ZSWIM5: variants seen among roughly 807,000 people sequenced by gnomAD.
ZSWIM5 encodes zinc finger SWIM-type containing 5.
A neutral mutation model predicts 119.6 loss-of-function variants in ZSWIM5; 55 were observed. The observed-to-expected ratio is 0.46, with a 90% CI of 0.37 to 0.58. The LOEUF (loss-of-function observed/expected upper bound fraction) is 0.58, where lower values mean the gene tolerates loss of function less well. ZSWIM5 is among the 20% of genes least tolerant of loss of function. The pLI, the probability that ZSWIM5 is intolerant of heterozygous loss-of-function variation, is 0.00. For missense variants in ZSWIM5, 1,193 were observed against 1,512.8 expected, an observed-to-expected ratio of 0.79 and a Z score of 3.51; for synonymous variants, 537 against 606.9, an observed-to-expected ratio of 0.88 and a Z score of 1.69.
chr1:45,033,506 T>A (rs958534096), intron 11 of ZSWIM5, among the ~76,000 whole-genome samples: 1 of 152,170 alleles, frequency 6.6e-6, no homozygotes, highest in Non-Finnish European at 1.5e-5. Flanking sequence ...TACTTTCACT[T>A]CTGTTTGTGG....
At position 45,018,423 on chromosome 1, in the gene ZSWIM5, A is replaced by C; in HGVS notation, c.*31T>G. The C allele has an allele frequency of 6.3e-7, 1 of 1,599,004 alleles. No individual in the cohort carries two copies. The highest frequency in any genetic ancestry group is 1.3e-5 in the African/African-American group (1 of 74,850). On this transcript the variant is annotated 3_prime_UTR_variant, in exon 14 of 14. Transcript: ENST00000359600. This position sits in a 1 kb window ranked among gnomAD's most constrained non-coding sequence, Gnocchi z 6.7. ...CTGACCTGATACTACCTGGGAACCCAGGCTGCTCTGGCAGTGAGCTATCTG... is the reference window on the plus strand; with the variant it reads ...CTGACCTGATACTACCTGGGAACCCCGGCTGCTCTGGCAGTGAGCTATCTG...
chr1:45,116,852 A>C (rs577607131), intron 1 of ZSWIM5, among the ~76,000 whole-genome samples: 21 of 152,346 alleles, frequency 1.4e-4, no homozygotes, highest in African/African-American at 5.1e-4. Flanking sequence ...ACTATGTTAC[A>C]TTTGCTCCTC....
chr1:45,049,632 G>A (rs1355173170), intron 5 of ZSWIM5, among the ~76,000 whole-genome samples: 2 of 152,074 alleles, frequency 1.3e-5, no homozygotes, highest in African/African-American at 2.4e-5. Flanking sequence ...TGGCCAATAT[G>A]GTGAAACCCT....
intron 1 of ZSWIM5, among the ~76,000 whole-genome samples, chr1:45,163,447 C>G (rs1347279133): frequency 1.3e-5 from 2 of 152,158 alleles, no homozygotes; most frequent in Non-Finnish European, 2.9e-5. Flanking sequence ...TCCTTGCCAG[C>G]AACAGAACAA....
chr1:45,143,876 T>TAAA (rs201847838), intron 1 of ZSWIM5, among the ~76,000 whole-genome samples: 1 of 145,766 alleles, frequency 6.9e-6, no homozygotes. Context: ...AAACATAAAT[T>TAAA]AAAAAAAAAA....
chr1:45,190,320 G>A (rs1240646881), intron 1 of ZSWIM5, among the ~76,000 whole-genome samples: 2 of 151,782 alleles, frequency 1.3e-5, no homozygotes, highest in African/African-American at 4.8e-5. Context: ...GCCAGACCCT[G>A]TCTCAAAAAA....
chr1:45,206,587 C>G lies in ZSWIM5; in HGVS notation c.-237G>C. On this transcript the variant is annotated 5_prime_UTR_variant, in exon 1 of 14. Transcript: ENST00000359600. Reference sequence around the variant, plus strand: ...CGTGAGGCGGCGCGCGGTGTCCTGGCCGCCGCGGACGCGAAGACAGGCGGG... The same window carrying G: ...CGTGAGGCGGCGCGCGGTGTCCTGGGCGCCGCGGACGCGAAGACAGGCGGG... 1 of 964,818 alleles carries G rather than the reference C, an allele frequency of 1.0e-6. No homozygotes were observed. Among genetic ancestry groups the G allele is most frequent in the Non-Finnish European group, 1.2e-6 (1 of 810,470 alleles). 59.8% of individuals were successfully genotyped at this position (964,818 alleles called of 1,614,324 possible). A position where few individuals can be genotyped will look rare whatever the true frequency, so the allele number is the denominator to read the frequency against.
intron 1 of ZSWIM5, among the ~76,000 whole-genome samples, chr1:45,123,911 A>G (rs1035184018): frequency 2.6e-5 from 4 of 152,218 alleles, no homozygotes; most frequent in Admixed American, 2.6e-4. Flanking sequence ...GGAGAAAACA[A>G]TTCAAATGGT....
At chr1:45,158,168 A>T (rs1159757846) in intron 1 of ZSWIM5, among the ~76,000 whole-genome samples, 2 of 151,846 alleles carry the variant, frequency 1.3e-5, no homozygotes. Flanking sequence ...ATATTTTTTT[A>T]ATTTATTTTT....
chr1:45,117,330 C>T (rs1045719582), intron 1 of ZSWIM5, among the ~76,000 whole-genome samples: 1 of 152,104 alleles, frequency 6.6e-6, no homozygotes, highest in Non-Finnish European at 1.5e-5. Context: ...GAAATCAAAT[C>T]CTATATAACT....
At chr1:45,115,984 C>T (rs757564614) in intron 1 of ZSWIM5, among the ~76,000 whole-genome samples, 14 of 152,162 alleles carry the variant, frequency 9.2e-5, no homozygotes, top group Non-Finnish European at 1.6e-4. Flanking sequence ...GGCGCGCGCC[C>T]GCAATCCCAG....
At chr1:45,189,986 T>C (rs985449627) in intron 1 of ZSWIM5, among the ~76,000 whole-genome samples, 2 of 152,112 alleles carry the variant, frequency 1.3e-5, no homozygotes, top group Non-Finnish European at 2.9e-5. Flanking sequence ...GGGCAAGGCC[T>C]GAGAAACGTC....
chr1:45,143,180 A>G (rs962224557), intron 1 of ZSWIM5, among the ~76,000 whole-genome samples: 96 of 151,020 alleles, frequency 6.4e-4, no homozygotes, highest in African/African-American at 2.3e-3. Flanking sequence ...TCAAAAAAAA[A>G]AAAAAAAAAA....
intron 1 of ZSWIM5, among the ~76,000 whole-genome samples, chr1:45,133,494 T>C (rs1237852147): frequency 6.6e-6 from 1 of 152,238 alleles, no homozygotes; most frequent in Non-Finnish European, 1.5e-5. Context: ...GAGTTCTTTG[T>C]AGATTCTGGA....
At chr1:45,134,587 C>A (rs1415390868) in intron 1 of ZSWIM5, among the ~76,000 whole-genome samples, 1 of 152,146 alleles carries the variant, frequency 6.6e-6, no homozygotes, top group Non-Finnish European at 1.5e-5. Context: ...AAATTTCCAT[C>A]CAGACTGGAA....
At chr1:45,116,216 ACAGCAATGAGTTTCATTGCTT>A (rs76564474) in intron 1 of ZSWIM5, among the ~76,000 whole-genome samples, 11,003 of 152,280 alleles carry the variant, frequency 0.072, 489 homozygotes, top group Non-Finnish European at 0.1. Context: ...GCCGTATATT[ACAGCAATGAGTTTCATTGCTT>A]TCATAACTTA....
rs1645232683 is a variant in ZSWIM5, at chr1:45,072,957, G to T, written c.953-12710C>A. ...TTTTAGAATTGTGTTTTCTATTTCTGTGAAGAATGTCATTGGTATTTTGAT... is the reference window on the plus strand; with the variant it reads ...TTTTAGAATTGTGTTTTCTATTTCTTTGAAGAATGTCATTGGTATTTTGAT... On this transcript the variant is annotated intron_variant, in intron 2 of 13. Transcript: ENST00000359600. The surrounding 1 kb of genome is among the most constrained non-coding windows in gnomAD (Gnocchi z 4.1). Among the ~76,000 whole-genome samples the T allele has an allele frequency of 6.6e-6, 1 of 151,980 alleles. No individual in the cohort carries two copies. The highest frequency in any genetic ancestry group is 1.5e-5 in the Non-Finnish European group (1 of 68,030).
intron 1 of ZSWIM5, among the ~76,000 whole-genome samples, chr1:45,130,741 C>A (rs987438623): frequency 2.0e-5 from 3 of 152,138 alleles, no homozygotes; most frequent in African/African-American, 4.8e-5. Flanking sequence ...CACTCCTGGG[C>A]ATTCAGGAAA....
chr1:45,027,114 T>G lies in ZSWIM5; in HGVS notation c.2450-6326A>C, dbSNP rs1186149307. ...ATTTAGATCTCCTCTTTTTTTTTTT[T>G]CGTGGTTAGCCTAAAGGTTTATCAA... On this transcript the variant is annotated intron_variant, in intron 11 of 13. Transcript: ENST00000359600. 2.0e-5 allele frequency among the ~76,000 whole-genome samples: 3 copies of G among 151,796 alleles called. No individual in the cohort carries two copies. In the East Asian group the frequency reaches 5.8e-4, roughly 29 times the overall value.
Sources: allele counts gnomAD v4.1 joint callset (sites outside exome capture counted in the v4.1 genomes callset), GRCh38; gene constraint gnomAD v4.1.1; non-coding constraint Gnocchi (gnomAD v3.1); transcripts MANE v1.5; gene names NCBI Gene and HGNC (gene_info 2026-07-23, HGNC 2026-07-21).